Variants in SLC44A1 observed in about 807,000 individuals in gnomAD.
The protein encoded by SLC44A1 is solute carrier family 44 member 1.
Under a neutral mutation model 79.3 loss-of-function variants are expected in SLC44A1, and 26 were observed. That is an observed-to-expected ratio of 0.33 (90% CI 0.24 to 0.46). The LOEUF (loss-of-function observed/expected upper bound fraction) is 0.46. Ranked by LOEUF, SLC44A1 falls within the 20% of genes least tolerant of loss-of-function variation. SLC44A1 has a pLI of 1.00. For synonymous variants in SLC44A1, 263 were observed against 286.2 expected, an observed-to-expected ratio of 0.92 and a Z score of 0.82; for missense variants, 688 against 798.1, an observed-to-expected ratio of 0.86 and a Z score of 1.66.
At position 105,393,117 on chromosome 9, in the gene SLC44A1, T is replaced by C. The variant is rs1356855495; in HGVS notation, c.*4061T>C. ...ACTGGTAAGAAGTGGTCTGTGAATG[T>C]ATATTGAAAAAATGTGGGTTCATAA... is the stretch of plus-strand genomic sequence containing the variant. On this transcript the variant is annotated 3_prime_UTR_variant, in exon 16 of 16. Coordinates refer to ENST00000374720, the MANE Select transcript of SLC44A1 (RefSeq NM_080546.5). 4.1e-6 allele frequency: 4 copies of C among 985,326 alleles called. No homozygotes were observed. Among genetic ancestry groups the C allele is most frequent in the African/African-American group, 1.7e-5 (1 of 57,252 alleles). The allele number at this position is 985,326 out of a possible 1,614,324, so 61.0% of individuals were successfully genotyped here.
chr9:105,399,591 G>C (rs1011154870), downstream of SLC44A1, among the ~76,000 whole-genome samples: 1 of 152,156 alleles, frequency 6.6e-6, no homozygotes, highest in Non-Finnish European at 1.5e-5. Flanking sequence ...TAAATTCCAA[G>C]CTTCCTGTTA....
At chr9:105,303,006 A>G (rs777114015) in intron 2 of SLC44A1, among the ~76,000 whole-genome samples, 6 of 152,190 alleles carry the variant, frequency 3.9e-5, no homozygotes, top group Non-Finnish European at 7.3e-5. Flanking sequence ...ACATTTATCA[A>G]TGGTGTTATC....
At chr9:105,385,033 G>A (rs1828587159) in intron 14 of SLC44A1, among the ~76,000 whole-genome samples, 1 of 152,160 alleles carries the variant, frequency 6.6e-6, no homozygotes, top group Admixed American at 6.6e-5. Context: ...GGAGGCTTAT[G>A]GAGTAACGTG....
chr9:105,327,580 C>G (rs548487266), intron 3 of SLC44A1, among the ~76,000 whole-genome samples: 45 of 152,208 alleles, frequency 3.0e-4, no homozygotes, highest in African/African-American at 9.9e-4. Flanking sequence ...TTTATAAGGC[C>G]CTGCATGATC....
At chr9:105,432,767 C>T (rs549593997) in intron 15 of SLC44A1, among the ~76,000 whole-genome samples, 76 of 152,282 alleles carry the variant, frequency 5.0e-4, no homozygotes, top group Non-Finnish European at 8.7e-4. Context: ...AGCGTTATTA[C>T]AGCAAGCTCA....
At position 105,374,031 on chromosome 9, in the gene SLC44A1, T is replaced by G. The variant is rs142565083; in HGVS notation, c.1495-567T>G. On this transcript the variant is annotated intron_variant, in intron 12 of 15. Coordinates refer to ENST00000374720, the MANE Select transcript of SLC44A1 (RefSeq NM_080546.5). ...AGACAGGGAATGGGGTAAGACTGTT[T>G]TCTCAAAAAAGATTTAGGGTTCTGC... 4.3e-3 allele frequency among the ~76,000 whole-genome samples: 657 copies of G among 152,286 alleles called. 5 individuals are homozygous for G. The highest frequency in any genetic ancestry group is 0.015 in the African/African-American group (633 of 41,560).
downstream of SLC44A1, among the ~76,000 whole-genome samples, chr9:105,401,207 G>A (rs1387186137): frequency 6.6e-6 from 1 of 152,020 alleles, no homozygotes; most frequent in Non-Finnish European, 1.5e-5. Context: ...CTGTTTTGTG[G>A]GACTATGAGT....
At position 105,365,514 on chromosome 9, in the gene SLC44A1, T is replaced by G; in HGVS notation, c.1285T>G (p.Leu429Val). 6.2e-7 allele frequency: 1 copy of G among 1,613,510 alleles called. No homozygotes were observed. The highest frequency in any genetic ancestry group is 8.5e-7 in the Non-Finnish European group (1 of 1,179,560). ...DKRNLPFTPI[L>V]ASVNRLIRYH... Reference sequence around the variant, plus strand: ...AAGGAATTTGCCATTTACACCTATTTTGGCATCAGTAAATCGCCTTATTCG... The same window carrying G: ...AAGGAATTTGCCATTTACACCTATTGTGGCATCAGTAAATCGCCTTATTCG... The change falls in exon 11 of 16, where the codon TTG becomes GTG. Residue 429 changes from leucine (L) to valine (V), a missense_variant. Transcript: ENST00000374720.
intron 13 of SLC44A1, among the ~76,000 whole-genome samples, chr9:105,380,035 TG>T (rs1828413288): frequency 6.6e-6 from 1 of 152,176 alleles, no homozygotes; most frequent in East Asian, 1.9e-4. Context: ...GCACTTATGA[TG>T]GCAAGAAAAG....
At chr9:105,359,785 C>T (rs1827727389) in intron 7 of SLC44A1, among the ~76,000 whole-genome samples, 1 of 152,044 alleles carries the variant, frequency 6.6e-6, no homozygotes, top group Non-Finnish European at 1.5e-5. Context: ...GGAAACATTC[C>T]CTTGCTCTAA....
At chr9:105,245,008 C>A in intron 1 of SLC44A1, 104 bp downstream of exon 1, 1 of 425,034 alleles carries the variant, frequency 2.4e-6, no homozygotes, top group South Asian at 1.0e-4. Flanking sequence ...CCCAGCCTCC[C>A]CTGAGCGCAC....
At chr9:105,405,319 T>TA (rs974280311) in intron 15 of SLC44A1, among the ~76,000 whole-genome samples, 301 of 129,908 alleles carry the variant, frequency 2.3e-3, no homozygotes, top group Middle Eastern at 8.7e-3. Context: ...AGACTCCATT[T>TA]AAAAAAAAAA....
rs189202717 is a variant in SLC44A1 at position 105,362,512 on chromosome 9, A to G, written c.901-309A>G. Among the ~76,000 whole-genome samples the G allele has an allele frequency of 6.6e-5, 10 of 152,270 alleles. No individual in the cohort carries two copies. The East Asian group carries it at 1.7e-3, about 26-fold the overall frequency. ...GTGGTGTATCTGTTTAAATAAATAA[A>G]GAGTCTCATCCTGACTGACAGTATG... On this transcript the variant is annotated intron_variant, in intron 8 of 15. Coordinates refer to ENST00000374720, the MANE Select transcript of SLC44A1 (RefSeq NM_080546.5).
chr9:105,313,386 A>T (rs1298171696), intron 3 of SLC44A1, among the ~76,000 whole-genome samples: 1 of 152,208 alleles, frequency 6.6e-6, no homozygotes, highest in Non-Finnish European at 1.5e-5. Flanking sequence ...CACTTTCTGT[A>T]GGTCAGAAAT....
intron 2 of SLC44A1, among the ~76,000 whole-genome samples, chr9:105,299,535 C>T (rs538586995): frequency 2.6e-5 from 4 of 152,320 alleles, no homozygotes; most frequent in East Asian, 3.9e-4. Context: ...AATCATTTGA[C>T]GTAAGTCTCT....
chr9:105,414,741 A>C (rs1829144768), intron 15 of SLC44A1, among the ~76,000 whole-genome samples: 2 of 152,166 alleles, frequency 1.3e-5, no homozygotes, highest in African/African-American at 4.8e-5. Context: ...AGGCTGTAGT[A>C]CGTGATGAAC....
chr9:105,394,500 G>T lies in SLC44A1; in HGVS notation c.*5444G>T. On this transcript the variant is annotated 3_prime_UTR_variant, in exon 16 of 16. Coordinates refer to ENST00000374720, the MANE Select transcript of SLC44A1 (RefSeq NM_080546.5). Reference sequence around the variant, plus strand: ...TTGGGGGCAAGGTACCAGATTATTTGCAGTGAGCCAAAAAAAAAAAAATAT... The same window carrying T: ...TTGGGGGCAAGGTACCAGATTATTTTCAGTGAGCCAAAAAAAAAAAAATAT... The T allele has an allele frequency of 1.1e-6, 1 of 911,650 alleles. No homozygotes were observed. Among genetic ancestry groups the T allele is most frequent in the Non-Finnish European group, 1.3e-6 (1 of 795,388 alleles). The allele number at this position is 911,650 out of a possible 1,614,324, so 56.5% of individuals were successfully genotyped here.
In SLC44A1 at chr9:105,356,340, C is replaced by A. The variant is rs765463733; in HGVS notation, c.629C>A (p.Thr210Asn). ...CACAGGCTGATTAGTGGAGTAATGA[C>A]CAGCAAAGAAATTATATTGGGACTT... ...VLHRLISGVMTSKEIILGLCL... is the reference protein window; with the variant it reads ...VLHRLISGVMNSKEIILGLCL... The change falls in exon 6 of 16, where the codon ACC becomes AAC. Residue 210 changes from threonine to asparagine, a missense_variant. Transcript: ENST00000374720. 4 of 1,606,914 alleles carry A rather than the reference C, an allele frequency of 2.5e-6. No homozygotes were observed. The highest frequency in any genetic ancestry group is 2.2e-5 in the East Asian group (1 of 44,796).
intron 1 of SLC44A1, among the ~76,000 whole-genome samples, chr9:105,292,403 A>G (rs1385868251): frequency 6.6e-6 from 1 of 152,176 alleles, no homozygotes; most frequent in Non-Finnish European, 1.5e-5. Flanking sequence ...TCCTAACTGG[A>G]GCCACAAAAT....
Sources: allele counts gnomAD v4.1 joint callset (sites outside exome capture counted in the v4.1 genomes callset), GRCh38; gene constraint gnomAD v4.1.1; transcripts MANE v1.5; gene names NCBI Gene and HGNC (gene_info 2026-07-23, HGNC 2026-07-21).